The following CHCHD6 variants were observed in gnomAD, a reference collection of about 807,000 sequenced individuals.
CHCHD6 encodes MICOS complex subunit MIC25.
CHCHD6 carries 28 observed loss-of-function variants against 32.3 expected under a neutral mutation model. The ratio of observed to expected loss-of-function variants is 0.87; its 90% CI spans 0.64 to 1.19. CHCHD6 has a LOEUF of 1.19. Among genes scored for constraint, CHCHD6 ranks in the 50% most tolerant of loss-of-function variants. The probability of loss-of-function intolerance (pLI) is 0.00; values close to 1 mark genes in which losing one functional copy is unlikely to be tolerated. For missense variants in CHCHD6, 333 were observed against 307.0 expected, an observed-to-expected ratio of 1.08 and a Z score of -0.63; for synonymous variants, 122 against 117.5, an observed-to-expected ratio of 1.04 and a Z score of -0.25.
At chr3:126,884,899 G>A (rs563118947) in intron 5 of CHCHD6, among the ~76,000 whole-genome samples, 31 of 152,274 alleles carry the variant, frequency 2.0e-4, no homozygotes, top group Admixed American at 1.1e-3. Context: ...GGTGACTGCC[G>A]ACGTGTTGTT....
intron 4 of CHCHD6, among the ~76,000 whole-genome samples, chr3:126,777,001 G>T (rs975026672): frequency 6.6e-6 from 1 of 152,010 alleles, no homozygotes; most frequent in Non-Finnish European, 1.5e-5. Context: ...CCTCCCTGCC[G>T]CTCTATGCCT....
At chr3:126,920,210 G>A (rs961824655) in intron 6 of CHCHD6, among the ~76,000 whole-genome samples, 1 of 62,994 alleles carries the variant, frequency 1.6e-5, no homozygotes, top group Non-Finnish European at 4.0e-5. Flanking sequence ...TATTTGCTTT[G>A]CTTTTTTTTT....
intron 4 of CHCHD6, among the ~76,000 whole-genome samples, chr3:126,828,258 G>T (rs1353524052): frequency 6.6e-6 from 1 of 152,208 alleles, no homozygotes; most frequent in Non-Finnish European, 1.5e-5. Context: ...AACCAGTGGT[G>T]CACTTCACAT....
chr3:126,733,962 A>C (rs1469603140), intron 4 of CHCHD6, among the ~76,000 whole-genome samples: 2 of 152,280 alleles, frequency 1.3e-5, no homozygotes, highest in Non-Finnish European at 2.9e-5. Context: ...ACAGTGTGCC[A>C]GTGCATCCTA....
In CHCHD6 at chr3:126,960,252, G is replaced by T. The variant is rs369976020; in HGVS notation, c.*51G>T. The stretch of plus-strand genomic sequence containing the variant: ...GCAGTGACTTGGAGCCCTGAAGAAG[G>T]GACCAATCATGGGACCACAGCCACT... On this transcript the variant is annotated 3_prime_UTR_variant, in exon 8 of 8. Coordinates refer to ENST00000290913, the MANE Select transcript of CHCHD6 (RefSeq NM_032343.3). 3 of 1,549,944 alleles carry T rather than the reference G, an allele frequency of 1.9e-6. No individual in the cohort carries two copies. Among genetic ancestry groups the T allele is most frequent in the Admixed American group, 2.0e-5 (1 of 51,006 alleles).
chr3:126,708,816 C>T (rs1934624113), intron 1 of CHCHD6, among the ~76,000 whole-genome samples: 4 of 152,282 alleles, frequency 2.6e-5, no homozygotes, highest in East Asian at 1.9e-4. Flanking sequence ...GACCTGTTTG[C>T]AGTCACTCCC....
intron 6 of CHCHD6, among the ~76,000 whole-genome samples, chr3:126,940,961 T>C (rs767587338): frequency 1.3e-5 from 2 of 152,248 alleles, no homozygotes; most frequent in Non-Finnish European, 2.9e-5. Flanking sequence ...ATTTTTCTTG[T>C]GACTGTTTTC....
chr3:126,723,909 C>G, intron 1 of CHCHD6, among the ~76,000 whole-genome samples: 1 of 152,150 alleles, frequency 6.6e-6, no homozygotes, highest in East Asian at 1.9e-4. Context: ...ATATTAGGCA[C>G]TTAATAAATA....
intron 4 of CHCHD6, among the ~76,000 whole-genome samples, chr3:126,823,544 A>T (rs968512903): frequency 5.3e-5 from 8 of 152,230 alleles, no homozygotes; most frequent in Non-Finnish European, 1.2e-4. Context: ...ATATAGGAAT[A>T]TAATTGATTT....
Position 126,871,319 on chromosome 3 carries a change from C to T in CHCHD6, c.495+18589C>T, listed in dbSNP as rs193016818. ...CAAAAGGATCAGCGTGTCTGCACCT[C>T]AGCTCTCCTGACCCCATTCTTATAG... On this transcript the variant is annotated intron_variant, in intron 5 of 7. Coordinates refer to ENST00000290913, the MANE Select transcript of CHCHD6 (RefSeq NM_032343.3). Among the ~76,000 whole-genome samples the T allele has an allele frequency of 5.5e-3, 841 of 152,270 alleles. 4 individuals are homozygous for T. Among genetic ancestry groups the T allele is most frequent in the African/African-American group, 0.019 (777 of 41,542 alleles).
intron 5 of CHCHD6, among the ~76,000 whole-genome samples, chr3:126,914,080 TA>T: frequency 6.6e-6 from 1 of 152,156 alleles, no homozygotes; most frequent in Non-Finnish European, 1.5e-5. Context: ...TTCCGATGAG[TA>T]GGGTGGTCAG....
chr3:126,960,086 A>G, intron 7 of CHCHD6, 110 bp from the exon 8 acceptor site: 12 of 1,356,652 alleles, frequency 8.8e-6, no homozygotes, highest in African/African-American at 1.4e-5. Flanking sequence ...AGGGAGACCA[A>G]CTCACAGCTG....
In CHCHD6 at chr3:126,897,596, T is replaced by G. The variant is rs182130410; in HGVS notation, c.496-17084T>G. ...TTTAAATCTTTCCTCCACTACTCAC[T>G]GGCGCTGTGACCTTGAACAACATTC... On this transcript the variant is annotated intron_variant, in intron 5 of 7. Transcript: ENST00000290913. Among the ~76,000 whole-genome samples, 4 of 152,342 alleles carry G rather than the reference T, an allele frequency of 2.6e-5. No homozygotes were observed. In the East Asian group the frequency reaches 7.7e-4, roughly 29 times the overall value.
chr3:126,739,164 A>G (rs1936183135), intron 4 of CHCHD6, among the ~76,000 whole-genome samples: 1 of 152,190 alleles, frequency 6.6e-6, no homozygotes, highest in Non-Finnish European at 1.5e-5. Flanking sequence ...TAAATGGGAG[A>G]AAAAAATCAT....
At chr3:126,898,280 T>G (rs1225210565) in intron 5 of CHCHD6, among the ~76,000 whole-genome samples, 5 of 152,250 alleles carry the variant, frequency 3.3e-5, no homozygotes, top group African/African-American at 1.2e-4. Context: ...TGCTATTTGC[T>G]TGCCCCTCTG....
intron 5 of CHCHD6, among the ~76,000 whole-genome samples, chr3:126,860,455 GA>G (rs200545752): frequency 0.1 from 15,288 of 151,916 alleles, 984 homozygotes; most frequent in Middle Eastern, 0.23. Flanking sequence ...TGGGGTTGGG[GA>G]AAGGGGGGAG....
intron 4 of CHCHD6, among the ~76,000 whole-genome samples, chr3:126,839,057 T>G (rs553724013): frequency 6.6e-6 from 1 of 152,102 alleles, no homozygotes; most frequent in Non-Finnish European, 1.5e-5. Flanking sequence ...CCCAGCTAAT[T>G]TTTATTTTTA....
At chr3:126,899,678 T>A (rs569533493) in intron 5 of CHCHD6, among the ~76,000 whole-genome samples, 1 of 152,220 alleles carries the variant, frequency 6.6e-6, no homozygotes, top group Non-Finnish European at 1.5e-5. Context: ...CAGCTCTTTT[T>A]TTGTTTCATC....
chr3:126,826,610 G>A (rs1261148696), intron 4 of CHCHD6, among the ~76,000 whole-genome samples: 1 of 152,124 alleles, frequency 6.6e-6, no homozygotes, highest in Non-Finnish European at 1.5e-5. Context: ...GCAGAAGGAG[G>A]CATCATTATT....
Sources: allele counts gnomAD v4.1 joint callset (sites outside exome capture counted in the v4.1 genomes callset), GRCh38; gene constraint gnomAD v4.1.1; transcripts MANE v1.5; gene names NCBI Gene and HGNC (gene_info 2026-07-23, HGNC 2026-07-21).